Variants in LPP observed in about 807,000 individuals in gnomAD.
LPP encodes the protein LIM domain containing preferred translocation partner in lipoma.
Under a neutral mutation model 60.4 loss-of-function variants are expected in LPP, and 38 were observed. That is an observed-to-expected ratio of 0.63 (90% CI 0.49 to 0.83). LPP has a LOEUF of 0.83. Ranked by LOEUF, LPP falls within the 40% of genes least tolerant of loss-of-function variation. The pLI is 0.00. For missense variants in LPP, 902 were observed against 783.6 expected (o/e 1.15, Z -1.80); for synonymous variants, 328 against 290.8 (o/e 1.13, Z -1.30).
Position 188,378,555 on chromosome 3 carries a change from A to T in LPP, c.-9-27557A>T, listed in dbSNP as rs542073180. Among the ~76,000 whole-genome samples the T allele has an allele frequency of 6.6e-5, 10 of 152,284 alleles. 1 individual carries two copies. Among genetic ancestry groups the T allele is most frequent in the East Asian group, 1.9e-4 (1 of 5,168 alleles). On this transcript the variant is annotated intron_variant, in intron 3 of 11. Coordinates refer to ENST00000617246, the MANE Select transcript of LPP (RefSeq NM_001375462.1). ...TCCTGATGTGCCATTTTTAAAGCCC[A>T]TTGGAAAAGCTCAGTATTAGGGTGG...
chr3:188,248,002 T>C (rs564199768), intron 2 of LPP, among the ~76,000 whole-genome samples: 28 of 152,224 alleles, frequency 1.8e-4, no homozygotes. Flanking sequence ...TGTCTGTGGG[T>C]GAGACCCAAG....
intron 9 of LPP, among the ~76,000 whole-genome samples, chr3:188,830,681 G>T (rs900980058): frequency 6.6e-6 from 1 of 152,066 alleles, no homozygotes; most frequent in Non-Finnish European, 1.5e-5. Flanking sequence ...TAGGGAAGAA[G>T]GTTATGTTTT....
At chr3:188,833,239 G>A (rs935479711) in intron 9 of LPP, among the ~76,000 whole-genome samples, 1 of 152,202 alleles carries the variant, frequency 6.6e-6, no homozygotes, top group Non-Finnish European at 1.5e-5. Flanking sequence ...ATAAAGAGGA[G>A]ACCAGCCCCA....
chr3:188,260,952 G>A lies in LPP; in HGVS notation c.-67+35425G>A, dbSNP rs549363302. ...CAGGAGGCTGAGTCAGGAGAATCCC[G>A]TAGTCCCAGCTACTCAGGAGGCTGT... On this transcript the variant is annotated intron_variant, in intron 2 of 11. Coordinates refer to ENST00000617246, the MANE Select transcript of LPP (RefSeq NM_001375462.1). Among the ~76,000 whole-genome samples, 42 of 152,034 alleles carry A rather than the reference G, an allele frequency of 2.8e-4. No individual in the cohort carries two copies. In the South Asian group the frequency reaches 3.9e-3, roughly 14 times the overall value.
chr3:188,523,416 A>G (rs1819557688), intron 5 of LPP, among the ~76,000 whole-genome samples: 2 of 152,180 alleles, frequency 1.3e-5, no homozygotes, highest in South Asian at 4.1e-4. Context: ...TTTTACACAG[A>G]TAGTTAAATA....
At chr3:188,439,352 A>G (rs1793192741) in intron 4 of LPP, among the ~76,000 whole-genome samples, 1 of 152,222 alleles carries the variant, frequency 6.6e-6, no homozygotes, top group Non-Finnish European at 1.5e-5. Flanking sequence ...CAAATGAGTT[A>G]CTTTACAGCT....
intron 2 of LPP, among the ~76,000 whole-genome samples, chr3:188,312,375 A>G (rs1014302776): frequency 6.6e-6 from 1 of 152,228 alleles, no homozygotes; most frequent in African/African-American, 2.4e-5. Context: ...TATTACAGTT[A>G]AGAAAATTAA....
At chr3:188,171,040 A>AACAAATGGAAAG (rs11276271) in intron 1 of LPP, among the ~76,000 whole-genome samples, 46,511 of 151,984 alleles carry the variant, frequency 0.31, 8,322 homozygotes, top group South Asian at 0.52. Context: ...AACACTGGCA[A>AACAAATGGAAAG]ACCTGGGTTG....
chr3:188,577,089 T>A (rs777210739), intron 6 of LPP, among the ~76,000 whole-genome samples: 29 of 152,146 alleles, frequency 1.9e-4, no homozygotes, highest in African/African-American at 5.5e-4. Context: ...GTGGCAATAA[T>A]CCCCTGTAAG....
intron 9 of LPP, among the ~76,000 whole-genome samples, chr3:188,796,780 CTT>C (rs1275566400): frequency 6.6e-6 from 1 of 152,136 alleles, no homozygotes; most frequent in Non-Finnish European, 1.5e-5. Flanking sequence ...TTATCTACAA[CTT>C]TTTGATAATT....
chr3:188,177,326 T>G (rs1243140792), intron 1 of LPP, among the ~76,000 whole-genome samples: 3 of 152,156 alleles, frequency 2.0e-5, no homozygotes, highest in Non-Finnish European at 4.4e-5. Context: ...GATACCAGTC[T>G]TGGAGCATGG....
At chr3:188,777,079 G>T (rs73058761) in intron 9 of LPP, among the ~76,000 whole-genome samples, 4,044 of 152,196 alleles carry the variant, frequency 0.027, 130 homozygotes, top group African/African-American at 0.076. Flanking sequence ...TTTACCACCT[G>T]TACCAATCAT....
At chr3:188,652,541 T>C (rs776927165) in intron 7 of LPP, among the ~76,000 whole-genome samples, 7 of 151,414 alleles carry the variant, frequency 4.6e-5, no homozygotes, top group African/African-American at 9.8e-5. Context: ...TTCTGTAAAA[T>C]GCAAAAAAAA....
intron 8 of LPP, among the ~76,000 whole-genome samples, chr3:188,754,518 A>G (rs1212207175): frequency 1.3e-5 from 2 of 152,222 alleles, no homozygotes; most frequent in African/African-American, 2.4e-5. Context: ...CAAGCAGGAC[A>G]GAAATAGGCA....
chr3:188,513,590 CTTTAT>C (rs1430814906), intron 5 of LPP, among the ~76,000 whole-genome samples: 2 of 151,786 alleles, frequency 1.3e-5, no homozygotes, highest in African/African-American at 2.4e-5. Flanking sequence ...GCAAATTGAC[CTTTAT>C]TTTAATTGTA....
At chr3:188,580,816 C>T (rs1348655129) in intron 6 of LPP, among the ~76,000 whole-genome samples, 6 of 152,072 alleles carry the variant, frequency 3.9e-5, no homozygotes, top group Admixed American at 2.6e-4. Context: ...TGTGGGCTGG[C>T]TAGGCAATCT....
intron 2 of LPP, among the ~76,000 whole-genome samples, chr3:188,276,905 T>C (rs1308117941): frequency 2.2e-5 from 3 of 134,356 alleles, no homozygotes; most frequent in Admixed American, 7.4e-5. Context: ...TTTTTTTTTT[T>C]TTTTTTTTTT....
intron 7 of LPP, among the ~76,000 whole-genome samples, chr3:188,697,731 T>G (rs1324081397): frequency 6.6e-6 from 1 of 152,244 alleles, no homozygotes; most frequent in Non-Finnish European, 1.5e-5. Context: ...AATCATAATA[T>G]CACAATCCTG....
intron 7 of LPP, chr3:188,688,705 A>T: frequency 2.3e-6 from 1 of 443,778 alleles, no homozygotes; most frequent in Non-Finnish European, 4.5e-6. Context: ...TTGTCTATTC[A>T]GCAAGCACTT....
Sources: allele counts gnomAD v4.1 joint callset (sites outside exome capture counted in the v4.1 genomes callset), GRCh38; gene constraint gnomAD v4.1.1; transcripts MANE v1.5; gene names NCBI Gene and HGNC (gene_info 2026-07-23, HGNC 2026-07-21).